The following ATP6V1E2 variants were observed in gnomAD, a reference collection of about 807,000 sequenced individuals.
ATP6V1E2 encodes ATPase H+ transporting V1 subunit E2, also known as V-type proton ATPase subunit E 2.
For missense variants in ATP6V1E2, 308 were observed against 273.3 expected, an observed-to-expected ratio of 1.13 and a Z score of -0.90; for synonymous variants, 121 against 104.2, an observed-to-expected ratio of 1.16 and a Z score of -0.98.
At position 46,513,985 on chromosome 2, in the gene ATP6V1E2, T is replaced by G. The variant is rs1379651542; in HGVS notation, c.-101-1173A>C. On this transcript the variant is annotated intron_variant, in intron 4 of 4. Coordinates refer to ENST00000522587, the MANE Select transcript of ATP6V1E2 (RefSeq NM_001318063.2). ...TATATCTGAACCACTTGGAGGATCTTTAAGAAATATAGCTTTTAGTGTGGT... is the reference window on the plus strand; with the variant it reads ...TATATCTGAACCACTTGGAGGATCTGTAAGAAATATAGCTTTTAGTGTGGT... 3.9e-5 allele frequency among the ~76,000 whole-genome samples: 6 copies of G among 152,064 alleles called. No individual in the cohort carries two copies. The East Asian group carries it at 9.7e-4, about 24-fold the overall frequency.
intron 4 of ATP6V1E2, among the ~76,000 whole-genome samples, chr2:46,517,858 A>G (rs1666359338): frequency 6.6e-6 from 1 of 152,234 alleles, no homozygotes; most frequent in Non-Finnish European, 1.5e-5. Context: ...GAAAATAACA[A>G]GTGTTGGCAA....
intron 1 of ATP6V1E2, 156 bp from the exon 2 acceptor site, chr2:46,541,609 G>T (rs1667776816): frequency 6.6e-6 from 1 of 152,258 alleles, no homozygotes; most frequent in Admixed American, 6.5e-5. Context: ...TGGTCCAGTT[G>T]ACCTCCGCGC....
intron 4 of ATP6V1E2, among the ~76,000 whole-genome samples, chr2:46,528,699 G>A (rs187737895): frequency 3.0e-4 from 46 of 152,340 alleles, no homozygotes; most frequent in African/African-American, 1.0e-3. Context: ...GATGCTACTC[G>A]TAGGTTGGGC....
Position 46,530,820 on chromosome 2 carries a change from C to A in ATP6V1E2, c.-102+4993G>T, listed in dbSNP as rs1572714209. Among the ~76,000 whole-genome samples the A allele has an allele frequency of 1.3e-5, 2 of 152,176 alleles. No individual in the cohort carries two copies. Among genetic ancestry groups the A allele is most frequent in the South Asian group, 2.1e-4 (1 of 4,834 alleles). ...AAGAGAAAGCTTGTACAGGGGAACT[C>A]CCCTTTGTAAAACCATCAGATCTCA... On this transcript the variant is annotated intron_variant, in intron 4 of 4. Coordinates refer to ENST00000522587, the MANE Select transcript of ATP6V1E2 (RefSeq NM_001318063.2). The surrounding 1 kb of genome is among the most constrained non-coding windows in gnomAD (Gnocchi z 5.2).
chr2:46,537,833 C>A (rs1487718260), intron 2 of ATP6V1E2, among the ~76,000 whole-genome samples: 1 of 152,158 alleles, frequency 6.6e-6, no homozygotes, highest in Non-Finnish European at 1.5e-5. Context: ...TGTTTTAGAA[C>A]ATACTGTCCT....
intron 4 of ATP6V1E2, among the ~76,000 whole-genome samples, chr2:46,524,008 T>A (rs540766975): frequency 2.8e-4 from 43 of 152,302 alleles, no homozygotes; most frequent in Non-Finnish European, 5.6e-4. Context: ...GAATGGGAGT[T>A]CATTCATGAT....
At chr2:46,533,139 CTAACA>C (rs1453802829) in intron 4 of ATP6V1E2, among the ~76,000 whole-genome samples, 12 of 147,960 alleles carry the variant, frequency 8.1e-5, no homozygotes, top group Non-Finnish European at 1.5e-4. Flanking sequence ...TATTATATAC[CTAACA>C]TATTATATAT....
At chr2:46,513,780 G>A (rs555575947) in intron 4 of ATP6V1E2, among the ~76,000 whole-genome samples, 9 of 152,114 alleles carry the variant, frequency 5.9e-5, no homozygotes, top group South Asian at 2.1e-4. Flanking sequence ...AGCTGAGATC[G>A]CGCCACTGTA....
chr2:46,522,217 G>A (rs1041457109), intron 4 of ATP6V1E2, among the ~76,000 whole-genome samples: 2 of 150,722 alleles, frequency 1.3e-5, no homozygotes, highest in African/African-American at 2.5e-5. Flanking sequence ...TTGAGAGGTC[G>A]AGGTTGCAGT....
intron 4 of ATP6V1E2, among the ~76,000 whole-genome samples, chr2:46,533,631 C>T (rs10210932): frequency 0.27 from 40,410 of 152,062 alleles, 6,067 homozygotes; most frequent in East Asian, 0.71. Context: ...CTCATATTTA[C>T]CCATATATTT....
At chr2:46,515,876 T>C (rs943100283) in intron 4 of ATP6V1E2, among the ~76,000 whole-genome samples, 22 of 152,120 alleles carry the variant, frequency 1.4e-4, no homozygotes, top group Non-Finnish European at 2.8e-4. Context: ...AGGGCAGGGG[T>C]GGCCATACTG....
At chr2:46,538,979 AC>A in intron 2 of ATP6V1E2, among the ~76,000 whole-genome samples, 1 of 152,250 alleles carries the variant, frequency 6.6e-6, no homozygotes, top group East Asian at 1.9e-4. Context: ...AAAAACACAC[AC>A]AAAAAAAAAT....
intron 4 of ATP6V1E2, among the ~76,000 whole-genome samples, chr2:46,513,263 G>A (rs148207973): frequency 9.7e-4 from 148 of 152,262 alleles, no homozygotes; most frequent in Middle Eastern, 3.4e-3. Flanking sequence ...ACCTTCAAAC[G>A]ATACAGAGAA....
intron 4 of ATP6V1E2, among the ~76,000 whole-genome samples, chr2:46,531,374 A>G (rs1225530872): frequency 6.6e-6 from 1 of 152,202 alleles, no homozygotes; most frequent in Non-Finnish European, 1.5e-5. Flanking sequence ...ATTACTTTTT[A>G]TGGCTCAATA....
At chr2:46,524,468 G>T (rs1228627332) in intron 4 of ATP6V1E2, among the ~76,000 whole-genome samples, 1 of 152,220 alleles carries the variant, frequency 6.6e-6, no homozygotes, top group Non-Finnish European at 1.5e-5. Flanking sequence ...TATCCAAATA[G>T]ACAAAAATCA....
At chr2:46,524,057 C>T (rs191785112) in intron 4 of ATP6V1E2, among the ~76,000 whole-genome samples, 6 of 151,156 alleles carry the variant, frequency 4.0e-5, no homozygotes, top group African/African-American at 1.2e-4. Context: ...TAAAGGAATA[C>T]TTGTGTTTTT....
intron 4 of ATP6V1E2, among the ~76,000 whole-genome samples, chr2:46,526,201 C>G (rs566655912): frequency 6.6e-6 from 1 of 151,418 alleles, no homozygotes; most frequent in East Asian, 1.9e-4. Context: ...CTACAACCCC[C>G]GCCTCCTGGG....
Position 46,533,212 on chromosome 2 carries a change from T to TAGATAGAC in ATP6V1E2, c.-102+2600_-102+2601insGTCTATCT, listed in dbSNP as rs1408154835. Among the ~76,000 whole-genome samples, 7 of 57,354 alleles carry TAGATAGAC rather than the reference T, an allele frequency of 1.2e-4. No individual in the cohort carries two copies. In the East Asian group the frequency reaches 1.2e-3, roughly 10 times the overall value. The allele number at this position is 57,354 out of a possible 152,430, so 37.6% of individuals were successfully genotyped here. On this transcript the variant is annotated intron_variant, in intron 4 of 4. Coordinates refer to ENST00000522587, the MANE Select transcript of ATP6V1E2 (RefSeq NM_001318063.2). ...GTGTGTGCATGTATGTGTAGATAGA[T>TAGATAGAC]AGATAGATAGATAGATAGATAGATA...
chr2:46,536,135 C>T (rs1667433275), intron 3 of ATP6V1E2, among the ~76,000 whole-genome samples: 1 of 152,144 alleles, frequency 6.6e-6, no homozygotes, highest in South Asian at 2.1e-4. Flanking sequence ...TAGGTTGCAG[C>T]AGAAAACAGT....
Sources: gnomAD v4.1 joint callset for allele counts (sites outside exome capture counted in the v4.1 genomes callset) on GRCh38, gnomAD v4.1.1 for gene constraint, Gnocchi (gnomAD v3.1) non-coding constraint, MANE v1.5 for transcripts, NCBI Gene and HGNC (gene_info 2026-07-23, HGNC 2026-07-21) for gene names.